ANXA7: variants seen among roughly 807,000 people sequenced by gnomAD.
ANXA7 encodes annexin VII.
A neutral mutation model predicts 64.9 loss-of-function variants in ANXA7; 55 were observed. The observed-to-expected ratio is 0.85, with a 90% CI of 0.68 to 1.06. ANXA7 has a LOEUF of 1.06. ANXA7 is among the 50% of genes least tolerant of loss of function. The pLI is 0.00. For missense variants in ANXA7, 548 were observed against 582.1 expected (o/e 0.94, Z 0.60); for synonymous variants, 200 against 192.4 (o/e 1.04, Z -0.33).
chr10:73,412,462 C>T (rs1265913835), intron 1 of ANXA7, among the ~76,000 whole-genome samples: 2 of 151,516 alleles, frequency 1.3e-5, no homozygotes, highest in Non-Finnish European at 2.9e-5. Flanking sequence ...AATTTCTCAA[C>T]TTTGCCCAAG....
chr10:73,400,381 A>C (rs1345311897), intron 2 of ANXA7, among the ~76,000 whole-genome samples: 1 of 152,190 alleles, frequency 6.6e-6, no homozygotes, highest in African/African-American at 2.4e-5. Context: ...TTATGACTCA[A>C]GGGCATTAAA....
At chr10:73,395,495 G>A (rs749026655) in intron 5 of ANXA7, among the ~76,000 whole-genome samples, 22 of 152,102 alleles carry the variant, frequency 1.4e-4, no homozygotes, top group Non-Finnish European at 2.9e-4. Flanking sequence ...ATTAAAATAA[G>A]AAGCCAGGCC....
At chr10:73,380,244 T>C (rs2055254879) in intron 9 of ANXA7, 43 bp from the exon 10 acceptor site, 3 of 1,562,900 alleles carry the variant, frequency 1.9e-6, no homozygotes, top group Non-Finnish European at 2.6e-6. Context: ...TAAATAATAG[T>C]TCTACTAAAT....
At position 73,404,708 on chromosome 10, in the gene ANXA7, C is replaced by CTATATA. The variant is rs59482006; in HGVS notation, c.-1-3857_-1-3852dup. ...CTAGTGTGGATAAAGACAAATATCCCTATATATATATATATATATATCTTT... is the reference window on the plus strand; with the variant it reads ...CTAGTGTGGATAAAGACAAATATCCCTATATATATATATATATATATATATATCTTT... On this transcript the variant is annotated intron_variant, in intron 1 of 12. Coordinates refer to ENST00000372921, the MANE Select transcript of ANXA7 (RefSeq NM_001156.5). Among the ~76,000 whole-genome samples, 139 of 143,890 alleles carry CTATATA rather than the reference C, an allele frequency of 9.7e-4. 1 individual carries two copies. Among genetic ancestry groups the CTATATA allele is most frequent in the African/African-American group, 3.3e-3 (133 of 40,268 alleles). The allele number at this position is 143,890 out of a possible 152,430, so 94.4% of individuals were successfully genotyped here.
At chr10:73,395,951 T>G in intron 5 of ANXA7, 1 of 825,122 alleles carries the variant, frequency 1.2e-6, no homozygotes, top group Non-Finnish European at 2.1e-6. Flanking sequence ...GGTGAGCCCT[T>G]AAGAAGTAGT....
At chr10:73,397,345 T>A (rs2055592795) in intron 3 of ANXA7, 71 bp from the exon 4 acceptor site, 1 of 874,844 alleles carries the variant, frequency 1.1e-6, no homozygotes. Context: ...TAGAAAAATA[T>A]CTATTGTTAA....
chr10:73,377,938 C>T (rs903604964), intron 12 of ANXA7, among the ~76,000 whole-genome samples: 21 of 145,368 alleles, frequency 1.4e-4, no homozygotes, highest in African/African-American at 3.8e-4. Context: ...TGTGCGCGCG[C>T]GTGTGTTTTT....
At chr10:73,391,026 G>C (rs2055472856) in intron 5 of ANXA7, among the ~76,000 whole-genome samples, 1 of 151,240 alleles carries the variant, frequency 6.6e-6, no homozygotes, top group African/African-American at 2.4e-5. Context: ...AAAAATGCTG[G>C]GCGTGGTGGT....
intron 9 of ANXA7, 113 bp downstream of exon 9, chr10:73,383,062 A>T (rs2132657007): frequency 1.1e-6 from 1 of 905,564 alleles, no homozygotes; most frequent in Non-Finnish European, 1.6e-6. Flanking sequence ...CCTCTTAAAG[A>T]TGGCAATATT....
chr10:73,410,509 C>T (rs182817284), intron 1 of ANXA7, among the ~76,000 whole-genome samples: 152 of 152,184 alleles, frequency 1.0e-3, no homozygotes, highest in African/African-American at 3.4e-3. Flanking sequence ...ATGGGCCGGG[C>T]GCGGTAGCCC....
intron 1 of ANXA7, among the ~76,000 whole-genome samples, chr10:73,402,374 AT>A (rs1226565079): frequency 1.4e-5 from 2 of 143,392 alleles, no homozygotes; most frequent in Non-Finnish European, 3.1e-5. Flanking sequence ...GAATTTTTGT[AT>A]TTTTTTTGTA....
At chr10:73,385,968 C>A (rs2055363046) in intron 7 of ANXA7, among the ~76,000 whole-genome samples, 1 of 152,138 alleles carries the variant, frequency 6.6e-6, no homozygotes, top group South Asian at 2.1e-4. Flanking sequence ...AATCCCAGCA[C>A]TTTGGGAGGC....
At chr10:73,376,947 G>A (rs1470283299) in intron 12 of ANXA7, among the ~76,000 whole-genome samples, 2 of 152,228 alleles carry the variant, frequency 1.3e-5, no homozygotes, top group East Asian at 1.9e-4. Context: ...CCAATATGAC[G>A]TACCTAGAGT....
chr10:73,394,975 C>T (rs1032326385), intron 5 of ANXA7, among the ~76,000 whole-genome samples: 1 of 152,064 alleles, frequency 6.6e-6, no homozygotes. Context: ...TATATGCATG[C>T]TTAAACTAAA....
intron 12 of ANXA7, among the ~76,000 whole-genome samples, chr10:73,377,775 T>C (rs796534120): frequency 2.6e-5 from 3 of 116,770 alleles, no homozygotes; most frequent in African/African-American, 1.2e-4. Flanking sequence ...TGGGTGTGGG[T>C]GTGTGTGTGT....
intron 9 of ANXA7, among the ~76,000 whole-genome samples, chr10:73,381,880 TC>T (rs2055281186): frequency 6.6e-6 from 1 of 150,402 alleles, no homozygotes; most frequent in African/African-American, 2.4e-5. Flanking sequence ...CACAGCTACC[TC>T]CCTTTTTTTT....
chr10:73,377,996 G>A (rs2055211950), intron 12 of ANXA7, among the ~76,000 whole-genome samples: 2 of 151,466 alleles, frequency 1.3e-5, no homozygotes, highest in African/African-American at 4.8e-5. Context: ...TCAAACTCCT[G>A]GGCTCAAGCA....
At position 73,397,211 on chromosome 10, in the gene ANXA7, G is replaced by A; in HGVS notation, c.323C>T (p.Pro108Leu). The change falls in exon 4 of 13, where the codon CCA (proline) becomes CTA (leucine). Residue 108 changes from proline (P) to leucine (L), a missense_variant. Transcript: ENST00000372921. ...GGAGFSGYPQPPSQSYGGGPA... is the reference protein window; with the variant it reads ...GGAGFSGYPQLPSQSYGGGPA... ...ACCACCTCCATAAGACTGTGAAGGT[G>A]GCTGTGGATACCCAGAAAAGCCTGC... 6.2e-7 allele frequency: 1 copy of A among 1,612,566 alleles called. No homozygotes were observed. Among genetic ancestry groups the A allele is most frequent in the Non-Finnish European group, 8.5e-7 (1 of 1,179,150 alleles).
rs1382487777 is a variant in ANXA7 at position 73,380,011 on chromosome 10, T to C, written c.1089+20A>G. 1.2e-6 allele frequency: 2 copies of C among 1,611,426 alleles called. No homozygotes were observed. Among genetic ancestry groups the C allele is most frequent in the Non-Finnish European group, 1.7e-6 (2 of 1,179,300 alleles). On this transcript the variant is annotated intron_variant, in intron 10 of 12. Coordinates refer to ENST00000372921, the MANE Select transcript of ANXA7 (RefSeq NM_001156.5). ...TGTATCTTACAGCAGAAGCCAAATCTTCAAAAGAAAAGCTCATACCCTAGA... is the reference window on the plus strand; with the variant it reads ...TGTATCTTACAGCAGAAGCCAAATCCTCAAAAGAAAAGCTCATACCCTAGA...
Sources: allele counts gnomAD v4.1 joint callset (sites outside exome capture counted in the v4.1 genomes callset), GRCh38; gene constraint gnomAD v4.1.1; transcripts MANE v1.5; gene names NCBI Gene and HGNC (gene_info 2026-07-23, HGNC 2026-07-21).